Variants in THADA observed in about 807,000 individuals in gnomAD.
The protein encoded by THADA is tRNA (32-2'-O)-methyltransferase regulator THADA.
THADA carries 213 observed loss-of-function variants against 219.8 expected under a neutral mutation model. The ratio of observed to expected loss-of-function variants is 0.97; its 90% CI spans 0.87 to 1.09. The LOEUF (loss-of-function observed/expected upper bound fraction) is 1.09. THADA is among the 50% of genes least tolerant of loss of function. The pLI is 0.00. For missense variants in THADA, 2,956 were observed against 2,311.3 expected (o/e 1.28, Z -5.72); for synonymous variants, 1,018 against 828.9 (o/e 1.23, Z -3.92).
intron 30 of THADA, among the ~76,000 whole-genome samples, chr2:43,335,625 T>C (rs554034488): frequency 6.6e-6 from 1 of 152,214 alleles, no homozygotes; most frequent in South Asian, 2.1e-4. Context: ...ATTTGTTGAA[T>C]GAAGTAATAC....
At chr2:43,576,386 A>C (rs1031208590) in intron 10 of THADA, among the ~76,000 whole-genome samples, 3 of 152,190 alleles carry the variant, frequency 2.0e-5, no homozygotes, top group African/African-American at 7.2e-5. Flanking sequence ...AGACCTTCTA[A>C]GATTGCTGTT....
intron 33 of THADA, 150 bp downstream of exon 33, chr2:43,291,954 T>TA: frequency 1.3e-6 from 1 of 756,238 alleles, no homozygotes; most frequent in Non-Finnish European, 2.1e-6. Flanking sequence ...GACATCATTC[T>TA]ATTGCTTGAG....
At chr2:43,484,940 T>TTA (rs1474164281) in intron 26 of THADA, among the ~76,000 whole-genome samples, 2 of 130,320 alleles carry the variant, frequency 1.5e-5, no homozygotes, top group African/African-American at 6.0e-5. Context: ...AAGATGCAAT[T>TTA]AAAAAAAAAA....
At chr2:43,502,559 T>G in intron 24 of THADA, among the ~76,000 whole-genome samples, 1 of 124,578 alleles carries the variant, frequency 8.0e-6, no homozygotes, top group African/African-American at 3.2e-5. Flanking sequence ...CCCTCCAGCC[T>G]AGGCCACAGA....
At chr2:43,592,096 A>C in intron 2 of THADA, 50 bp from the exon 3 acceptor site, 1 of 1,431,200 alleles carries the variant, frequency 7.0e-7, no homozygotes, top group Non-Finnish European at 9.4e-7. Context: ...CAGTGAGTTA[A>C]CTTTGCCTTT....
At chr2:43,318,735 C>T (rs905092534) in intron 31 of THADA, among the ~76,000 whole-genome samples, 1 of 152,142 alleles carries the variant, frequency 6.6e-6, no homozygotes, top group African/African-American at 2.4e-5. Context: ...TTATTAAACA[C>T]AGCTTGTGAA....
intron 36 of THADA, among the ~76,000 whole-genome samples, chr2:43,253,525 G>A (rs1670017816): frequency 6.6e-6 from 1 of 152,026 alleles, no homozygotes; most frequent in African/African-American, 2.4e-5. Flanking sequence ...TGTTTGCGTG[G>A]GTGACCAAAC....
chr2:43,566,886 T>C, intron 14 of THADA, 65 bp from the exon 15 acceptor site: 2 of 1,179,928 alleles, frequency 1.7e-6, no homozygotes, highest in Non-Finnish European at 2.3e-6. Context: ...TTCAGAGTAT[T>C]AAACACCCTT....
chr2:43,278,400 C>T (rs1452691731), intron 36 of THADA, among the ~76,000 whole-genome samples: 2 of 152,302 alleles, frequency 1.3e-5, no homozygotes, highest in South Asian at 2.1e-4. Flanking sequence ...GGGCTGGGTG[C>T]GGAATCTACT....
chr2:43,347,810 A>G (rs1252047932), intron 29 of THADA, among the ~76,000 whole-genome samples: 1 of 152,232 alleles, frequency 6.6e-6, no homozygotes, highest in Non-Finnish European at 1.5e-5. Context: ...CAGGGTGTGC[A>G]CAGGGTGGTG....
intron 36 of THADA, among the ~76,000 whole-genome samples, chr2:43,269,752 A>T (rs538828845): frequency 2.0e-5 from 3 of 152,084 alleles, no homozygotes; most frequent in Admixed American, 6.5e-5. Flanking sequence ...CTCACCCTCC[A>T]CTGGTTCACA....
At chr2:43,328,733 C>T (rs1339410504) in intron 30 of THADA, among the ~76,000 whole-genome samples, 1 of 152,208 alleles carries the variant, frequency 6.6e-6, no homozygotes, top group Non-Finnish European at 1.5e-5. Flanking sequence ...TCTGGGTAGG[C>T]ATTCAGCAAG....
In THADA at chr2:43,311,124, C is replaced by T. The variant is rs192870225; in HGVS notation, c.4438+9322G>A. Among the ~76,000 whole-genome samples the T allele has an allele frequency of 2.3e-3, 355 of 151,810 alleles. 1 individual carries two copies. Among genetic ancestry groups the T allele is most frequent in the Non-Finnish European group, 3.9e-3 (268 of 67,950 alleles). On this transcript the variant is annotated intron_variant, in intron 31 of 37. Coordinates refer to ENST00000405975, the MANE Select transcript of THADA (RefSeq NM_022065.5). ...CCGGGAGGCGGAGGTTGCAGTGAAC[C>T]GAGATCGTGCCATTGCACTCCAGCT...
intron 31 of THADA, among the ~76,000 whole-genome samples, chr2:43,316,179 C>A (rs1043284929): frequency 5.9e-5 from 9 of 152,216 alleles, no homozygotes; most frequent in African/African-American, 1.9e-4. Flanking sequence ...CTCTGTTCAA[C>A]CACTTCCTCT....
At chr2:43,560,172 T>C in intron 16 of THADA, 62 bp downstream of exon 16, 1 of 1,439,650 alleles carries the variant, frequency 6.9e-7, no homozygotes, top group Admixed American at 2.2e-5. Flanking sequence ...CTCAGATTGC[T>C]TTATCTGCTG....
chr2:43,344,876 G>T (rs1667469394), intron 29 of THADA, among the ~76,000 whole-genome samples: 1 of 151,984 alleles, frequency 6.6e-6, no homozygotes, highest in Non-Finnish European at 1.5e-5. Flanking sequence ...ATGCACGTAT[G>T]TATGTACTGG....
chr2:43,533,997 T>G (rs1423614607), intron 21 of THADA, among the ~76,000 whole-genome samples: 2 of 152,178 alleles, frequency 1.3e-5, no homozygotes, highest in African/African-American at 4.8e-5. Flanking sequence ...TAATAGAGTT[T>G]AGTAATATGG....
intron 24 of THADA, among the ~76,000 whole-genome samples, chr2:43,500,021 A>T (rs995226011): frequency 2.0e-5 from 3 of 152,164 alleles, no homozygotes; most frequent in Non-Finnish European, 4.4e-5. Flanking sequence ...AACCCCTGAC[A>T]TGACTAACCA....
In THADA at chr2:43,553,765, T is replaced by A. The variant is rs1180074722; in HGVS notation, c.2675-1426A>T. Reference sequence around the variant, plus strand: ...CTATGCGGGTTCCACTTTCTCTACATCCTCATCAATGCTTGTTATCATCTC... The same window carrying A: ...CTATGCGGGTTCCACTTTCTCTACAACCTCATCAATGCTTGTTATCATCTC... On this transcript the variant is annotated intron_variant, in intron 17 of 37. Coordinates refer to ENST00000405975, the MANE Select transcript of THADA (RefSeq NM_022065.5). 2.0e-5 allele frequency among the ~76,000 whole-genome samples: 3 copies of A among 152,306 alleles called. No homozygotes were observed. In the East Asian group the frequency reaches 5.8e-4, roughly 29 times the overall value.
Sources: allele counts gnomAD v4.1 joint callset (sites outside exome capture counted in the v4.1 genomes callset), GRCh38; gene constraint gnomAD v4.1.1; transcripts MANE v1.5; gene names NCBI Gene and HGNC (gene_info 2026-07-23, HGNC 2026-07-21).